Variants in ETNPPL observed in about 807,000 individuals in gnomAD.
ETNPPL encodes ethanolamine-phosphate phospho-lyase.
A neutral mutation model predicts 55.5 loss-of-function variants in ETNPPL; 30 were observed. The observed-to-expected ratio is 0.54, with a 90% confidence interval of 0.40 to 0.73. The LOEUF is 0.73. Among genes scored for constraint, ETNPPL ranks in the 30% least tolerant of loss-of-function variants. The pLI is 0.00. For missense variants in ETNPPL, 528 were observed against 607.9 expected, an observed-to-expected ratio of 0.87 and a Z score of 1.38; for synonymous variants, 202 against 207.2, an observed-to-expected ratio of 0.98 and a Z score of 0.21.
chr4:108,760,405 T>TAAAGGAA lies in ETNPPL; in HGVS notation c.57-106_57-100dup. On this transcript the variant is annotated intron_variant, in intron 1 of 12. Transcript: ENST00000296486. Reference sequence around the variant, plus strand: ...CCATCAGTGGAAAAGTACAGTTACATAAAGGAAAGGGAAAACACAACCTGG... The same window carrying TAAAGGAA: ...CCATCAGTGGAAAAGTACAGTTACATAAAGGAAAAAGGAAAGGGAAAACACAACCTGG... 3 of 587,926 alleles carry TAAAGGAA rather than the reference T, an allele frequency of 5.1e-6. No individual in the cohort carries two copies. The South Asian group carries it at 9.9e-5, about 19-fold the overall frequency. The allele number at this position is 587,926 out of a possible 1,614,324, so 36.4% of individuals were successfully genotyped here.
chr4:108,758,627 G>C (rs1373949105), intron 3 of ETNPPL, among the ~76,000 whole-genome samples: 1 of 152,174 alleles, frequency 6.6e-6, no homozygotes, highest in African/African-American at 2.4e-5. Context: ...TTAAAAAGTT[G>C]AGGCAGCCCG....
At chr4:108,756,734 G>C (rs1729221639) in intron 3 of ETNPPL, among the ~76,000 whole-genome samples, 1 of 152,148 alleles carries the variant, frequency 6.6e-6, no homozygotes, top group African/African-American at 2.4e-5. Context: ...GCCGAGGCAA[G>C]AGAATTGCTT....
rs867999774 is a variant in ETNPPL, at chr4:108,761,127, G to T, written c.57-821C>A. 1.3e-4 allele frequency among the ~76,000 whole-genome samples: 20 copies of T among 152,198 alleles called. No homozygotes were observed. The Middle Eastern group carries it at 0.014, about 104-fold the overall frequency. On this transcript the variant is annotated intron_variant, in intron 1 of 12. Transcript: ENST00000296486. ...ATCCATACTTTTATTTGGATGAATG[G>T]CTGGATTATACATTTTAGCACATAG...
intron 8 of ETNPPL, among the ~76,000 whole-genome samples, 180 bp downstream of exon 8, chr4:108,749,058 A>G (rs979060063): frequency 1.3e-5 from 2 of 152,138 alleles, no homozygotes; most frequent in Non-Finnish European, 2.9e-5. Context: ...AACTTAAAGT[A>G]TAATTTTATA....
chr4:108,760,190 T>C lies in ETNPPL; in HGVS notation c.173A>G (p.His58Arg). 1 of 1,577,370 alleles carries C rather than the reference T, an allele frequency of 6.3e-7. No homozygotes were observed. The highest frequency in any genetic ancestry group is 1.1e-5 in the South Asian group (1 of 89,926). The change falls in exon 2 of 13, where the codon CAT becomes CGT. Residue 58 changes from histidine to arginine, a missense_variant and splice_region_variant. Transcript: ENST00000296486. ...CACTGCAAGGACAGGACATTTACCA[T>C]GGGCAACATTGTTGATGCAGTCCAA... Reference protein sequence around the residue: ...QYLDCINNVAHVGHCHPGVVK... With the variant: ...QYLDCINNVARVGHCHPGVVK...
At chr4:108,755,833 C>T (rs2125679648) in intron 4 of ETNPPL, among the ~76,000 whole-genome samples, 1 of 152,254 alleles carries the variant, frequency 6.6e-6, no homozygotes, top group South Asian at 2.1e-4. Flanking sequence ...AACAAACAAA[C>T]AAACAAACAA....
rs147384111 is a variant in ETNPPL at position 108,749,443 on chromosome 4, C to A, written c.722G>T (p.Gly241Val). The change falls in exon 8 of 13, where the codon GGT becomes GTT. Residue 241 changes from glycine to valine, a missense_variant. Coordinates refer to ENST00000296486, the MANE Select transcript of ETNPPL (RefSeq NM_031279.4). ...TTGAACTTCATCAGCTATAAACACA[C>A]CCCCTGCACCGTGTACATATCTGAA... is the stretch of plus-strand genomic sequence containing the variant. ...KVAEYVHGAG[G>V]VFIADEVQVG... The A allele has an allele frequency of 6.2e-7, 1 of 1,613,892 alleles. No individual in the cohort carries two copies. The highest frequency in any genetic ancestry group is 1.1e-5 in the South Asian group (1 of 91,072).
At chr4:108,747,252 TATTA>T (rs1463910998) in intron 9 of ETNPPL, among the ~76,000 whole-genome samples, 1 of 64,844 alleles carries the variant, frequency 1.5e-5, no homozygotes, top group African/African-American at 7.5e-5. Flanking sequence ...TATATATATA[TATTA>T]TATATATATA....
chr4:108,762,711 C>T (rs1729571164), intron 1 of ETNPPL, 132 bp downstream of exon 1: 3 of 1,134,688 alleles, frequency 2.6e-6, no homozygotes, highest in Admixed American at 3.5e-5. Flanking sequence ...GCGCGGGGCG[C>T]GTGCACAGGC....
intron 8 of ETNPPL, 131 bp downstream of exon 8, chr4:108,749,107 A>G: frequency 1.7e-6 from 1 of 593,774 alleles, no homozygotes; most frequent in East Asian, 2.8e-5. Flanking sequence ...TTAAAATAAG[A>G]AAAAACTTTG....
chr4:108,747,456 TTGTTGGTTTATTTATTTA>T (rs1728663203), intron 9 of ETNPPL, among the ~76,000 whole-genome samples: 1 of 150,900 alleles, frequency 6.6e-6, no homozygotes, highest in East Asian at 1.9e-4. Flanking sequence ...TTTTTTATTG[TTGTTGGTTTATTTATTTA>T]TTTTATAGAA....
In ETNPPL at chr4:108,752,972, C is replaced by G. The variant is rs772650876; in HGVS notation, c.541G>C (p.Asp181His). Residue 181 changes from aspartate to histidine, a missense_variant, in exon 6 of 13, where the codon GAC becomes CAC. Coordinates refer to ENST00000296486, the MANE Select transcript of ETNPPL (RefSeq NM_031279.4). ...TAAGCACTGGCTGAGTCTGCATGGT[C>G]TTCTCTATATTTTCCTCTGTAAGTA... ...PDTYRGKYRE[D>H]HADSASAYAD... is the part of the protein sequence containing the mutation. 1.2e-6 allele frequency: 2 copies of G among 1,612,200 alleles called. No individual in the cohort carries two copies. Among genetic ancestry groups the G allele is most frequent in the Non-Finnish European group, 8.5e-7 (1 of 1,178,972 alleles).
intron 11 of ETNPPL, among the ~76,000 whole-genome samples, chr4:108,744,619 T>G (rs575436237): frequency 6.6e-6 from 1 of 152,256 alleles, no homozygotes; most frequent in African/African-American, 2.4e-5. Context: ...TTTCCAAACA[T>G]TCACTATTCA....
rs1403105985 is a variant in ETNPPL, at chr4:108,742,580, C to T, written c.1404G>A (p.Arg468=). 1 of 1,614,040 alleles carries T rather than the reference C, an allele frequency of 6.2e-7. No individual in the cohort carries two copies. Among genetic ancestry groups the T allele is most frequent in the South Asian group, 1.1e-5 (1 of 91,072 alleles). The change falls in exon 13 of 13, where the codon AGG becomes AGA. Residue 468 remains arginine (R), a synonymous_variant. Transcript: ENST00000296486. ...MLKEAHIELL[R]DSTTDSKENP... The stretch of plus-strand genomic sequence containing the variant: ...TTTCTTTGGAGTCAGTGGTGCTGTC[C>T]CTAAGCAGTTCTATGTGGGCTTCTT...
Position 108,747,990 on chromosome 4 carries a change from T to C in ETNPPL, c.1082+15A>G, listed in dbSNP as rs1404554585. The C allele has an allele frequency of 6.3e-7, 1 of 1,596,544 alleles. No homozygotes were observed. The highest frequency in any genetic ancestry group is 8.5e-7 in the Non-Finnish European group (1 of 1,172,552). On this transcript the variant is annotated intron_variant, in intron 9 of 12. Coordinates refer to ENST00000296486, the MANE Select transcript of ETNPPL (RefSeq NM_031279.4). ...AAAAATGAGTAACTACATGACAACT[T>C]CATAATGAACATACCTAATATCTCC...
intron 10 of ETNPPL, 108 bp from the exon 11 acceptor site, chr4:108,746,637 C>T: frequency 6.8e-7 from 1 of 1,463,410 alleles, no homozygotes; most frequent in South Asian, 1.2e-5. Context: ...AAGAAGCCCA[C>T]ATTATAAATA....
chr4:108,759,840 G>C lies in ETNPPL; in HGVS notation c.244C>G (p.Arg82Gly). The C allele has an allele frequency of 6.2e-7, 1 of 1,614,118 alleles. No homozygotes were observed. Among genetic ancestry groups the C allele is most frequent in the African/African-American group, 1.3e-5 (1 of 75,044 alleles). Reference protein sequence around the residue: ...KQMELLNTNSRFLHDNIVEYA... With the variant: ...KQMELLNTNSGFLHDNIVEYA... The stretch of plus-strand genomic sequence containing the variant: ...TCAACAATGTTGTCGTGGAGGAATC[G>C]AGAATTTGTATTTAGCAGTTCCATC... The change falls in exon 3 of 13, where the codon CGA becomes GGA. Residue 82 changes from arginine to glycine, a missense_variant. Coordinates refer to ENST00000296486, the MANE Select transcript of ETNPPL (RefSeq NM_031279.4).
chr4:108,753,791 A>AT lies in ETNPPL; in HGVS notation c.502-781_502-780insA, dbSNP rs1208876399. 1.2e-3 allele frequency among the ~76,000 whole-genome samples: 129 copies of AT among 108,920 alleles called. No individual in the cohort carries two copies. In the South Asian group the frequency reaches 0.012, roughly 10 times the overall value. 71.5% of individuals were successfully genotyped at this position (108,920 alleles called of 152,430 possible). On this transcript the variant is annotated intron_variant, in intron 5 of 12. Transcript: ENST00000296486. ...AAGAAAGAAAGAAAGAAAGAAAGAA[A>AT]GAAAGAAAGAAAGAAAAGAGAAGAA...
intron 3 of ETNPPL, 33 bp downstream of exon 3, chr4:108,759,716 G>C (rs761762146): frequency 1.1e-5 from 17 of 1,604,152 alleles, no homozygotes; most frequent in Non-Finnish European, 9.4e-6. Flanking sequence ...AGTTTAGTGG[G>C]AATGGGGAGG....
Sources: allele counts gnomAD v4.1 joint callset (sites outside exome capture counted in the v4.1 genomes callset), GRCh38; gene constraint gnomAD v4.1.1; transcripts MANE v1.5; gene names NCBI Gene and HGNC (gene_info 2026-07-23, HGNC 2026-07-21).